DNM3: variants seen among roughly 807,000 people sequenced by gnomAD.
DNM3 encodes dynamin-3.
In DNM3, 47 loss-of-function variants were observed where a neutral mutation model predicts 101.6. The observed-to-expected ratio is 0.46, with a 90% CI of 0.37 to 0.59. The LOEUF (loss-of-function observed/expected upper bound fraction) is 0.59. DNM3 is among the 20% of genes least tolerant of loss of function. The pLI, the probability that DNM3 is intolerant of heterozygous loss-of-function variation, is 0.00. For synonymous variants in DNM3, 385 were observed against 387.9 expected, an observed-to-expected ratio of 0.99 and a Z score of 0.09; for missense variants, 849 against 1,085.7, an observed-to-expected ratio of 0.78 and a Z score of 3.06.
chr1:172,331,233 A>G (rs2066169404), intron 17 of DNM3, among the ~76,000 whole-genome samples: 1 of 152,170 alleles, frequency 6.6e-6, no homozygotes, highest in Non-Finnish European at 1.5e-5. Context: ...TGTGTAATAT[A>G]CAAATAATGT....
At chr1:172,075,159 A>ATT (rs397953576) in intron 11 of DNM3, among the ~76,000 whole-genome samples, 1,487 of 147,194 alleles carry the variant, frequency 0.01, 22 homozygotes, top group African/African-American at 0.035. Context: ...CCACTTTTTG[A>ATT]TTTTTTTTTT....
chr1:172,264,221 GAGA>G (rs1277304209), intron 15 of DNM3, among the ~76,000 whole-genome samples: 1 of 152,208 alleles, frequency 6.6e-6, no homozygotes, highest in Non-Finnish European at 1.5e-5. Flanking sequence ...CTCTTCTGAT[GAGA>G]AGAAGCTAAT....
At chr1:172,270,858 A>C (rs1055479251) in intron 15 of DNM3, among the ~76,000 whole-genome samples, 4 of 152,316 alleles carry the variant, frequency 2.6e-5, no homozygotes, top group Admixed American at 6.5e-5. Flanking sequence ...ACAGTTTCAA[A>C]AAATGCAGTT....
At chr1:172,279,947 T>C (rs969497809) in intron 15 of DNM3, among the ~76,000 whole-genome samples, 3 of 152,108 alleles carry the variant, frequency 2.0e-5, no homozygotes, top group African/African-American at 7.2e-5. Context: ...TCCGTGTATT[T>C]TTCCATCAAG....
intron 10 of DNM3, among the ~76,000 whole-genome samples, chr1:172,057,108 A>C (rs576449688): frequency 3.3e-5 from 5 of 152,290 alleles, no homozygotes; most frequent in Admixed American, 3.3e-4. Context: ...TGGAAGATGA[A>C]GTGAATGAAA....
intron 14 of DNM3, chr1:172,131,832 G>A (rs1376481861): frequency 2.6e-6 from 1 of 383,478 alleles, no homozygotes; most frequent in African/African-American, 2.1e-5. Flanking sequence ...GTAAAAGCAT[G>A]AATTATGGTA....
rs765689989 is a variant in DNM3 at position 172,081,879 on chromosome 1, T to C, written c.1470T>C (p.His490=). The C allele has an allele frequency of 3.7e-6, 6 of 1,613,214 alleles. No individual in the cohort carries two copies. Among genetic ancestry groups the C allele is most frequent in the African/African-American group, 1.3e-5 (1 of 74,950 alleles). Residue 490 remains histidine, a synonymous_variant, in exon 12 of 21, where the codon CAT becomes CAC. Transcript: ENST00000627582. ...DIQVSYINTN[H]EDFIGFANAQ... The stretch of plus-strand genomic sequence containing the variant: ...AAGTCTCTTACATCAACACCAACCA[T>C]GAAGACTTCATTGGCTTCGCAAAGT...
At chr1:172,038,295 T>G in intron 6 of DNM3, 24 bp from the exon 7 acceptor site, 1 of 1,612,750 alleles carries the variant, frequency 6.2e-7, no homozygotes. Context: ...CTTCAATCTG[T>G]GTGTATCATT....
At chr1:172,016,640 C>G (rs1318628490) in intron 4 of DNM3, among the ~76,000 whole-genome samples, 1 of 152,164 alleles carries the variant, frequency 6.6e-6, no homozygotes, top group Non-Finnish European at 1.5e-5. Context: ...TCCTCTGATT[C>G]TAACTTCTGG....
chr1:172,360,492 C>CTTTTTTCTCCAGG (rs11268548), intron 17 of DNM3, among the ~76,000 whole-genome samples: 1 of 151,900 alleles, frequency 6.6e-6, no homozygotes, highest in Admixed American at 6.6e-5. Flanking sequence ...AATTTGTTTA[C>CTTTTTTCTCCAGG]TTTTACTTCC....
chr1:172,195,679 A>G (rs2059921407), intron 14 of DNM3, among the ~76,000 whole-genome samples: 1 of 151,878 alleles, frequency 6.6e-6, no homozygotes, highest in East Asian at 1.9e-4. Context: ...ATATGATAGT[A>G]TGTTGTTTTA....
At chr1:171,916,184 C>T (rs545481939) in intron 1 of DNM3, among the ~76,000 whole-genome samples, 1 of 152,270 alleles carries the variant, frequency 6.6e-6, no homozygotes, top group African/African-American at 2.4e-5. Flanking sequence ...AGTTAGACTC[C>T]CTAGATTTGA....
chr1:172,081,176 A>C (rs1478483114), intron 11 of DNM3, among the ~76,000 whole-genome samples: 1 of 152,326 alleles, frequency 6.6e-6, no homozygotes, highest in African/African-American at 2.4e-5. Flanking sequence ...GACTCACTGC[A>C]GCTTTGAACT....
At chr1:171,994,599 A>G (rs1288218814) in intron 4 of DNM3, among the ~76,000 whole-genome samples, 1 of 152,146 alleles carries the variant, frequency 6.6e-6, no homozygotes, top group Non-Finnish European at 1.5e-5. Flanking sequence ...AACCCCAAAC[A>G]TGCATGTGGC....
intron 14 of DNM3, among the ~76,000 whole-genome samples, chr1:172,149,052 A>T (rs188826195): frequency 2.0e-5 from 3 of 152,212 alleles, no homozygotes; most frequent in Admixed American, 6.5e-5. Flanking sequence ...GCTATAAATC[A>T]TAAACTTAAT....
At position 172,407,814 on chromosome 1, in the gene DNM3, C is replaced by A; in HGVS notation, c.2565C>A (p.Arg855=). The A allele has an allele frequency of 1.2e-6, 2 of 1,613,308 alleles. No individual in the cohort carries two copies. Among genetic ancestry groups the A allele is most frequent in the Non-Finnish European group, 1.7e-6 (2 of 1,179,374 alleles). Residue 855 remains arginine, a synonymous_variant, in exon 21 of 21, where the codon CGC becomes CGA. Coordinates refer to ENST00000627582, the MANE Select transcript of DNM3 (RefSeq NM_015569.5). The part of the protein sequence containing the change: ...PPSPTRPTII[R]PLESSLLD Reference sequence around the variant, plus strand: ...CACCAACTCGTCCCACTATAATCCGCCCACTAGAATCCTCCCTGTTAGACT... The same window carrying A: ...CACCAACTCGTCCCACTATAATCCGACCACTAGAATCCTCCCTGTTAGACT...
chr1:172,270,230 T>C (rs929731185), intron 15 of DNM3, among the ~76,000 whole-genome samples: 1 of 145,384 alleles, frequency 6.9e-6, no homozygotes, highest in East Asian at 2.0e-4. Context: ...ACTAAAGTAA[T>C]AACACCTTGC....
intron 10 of DNM3, among the ~76,000 whole-genome samples, chr1:172,061,562 A>G (rs1222272925): frequency 1.3e-5 from 2 of 151,840 alleles, no homozygotes; most frequent in African/African-American, 4.8e-5. Context: ...CATGGATGAA[A>G]TTGGAAATCA....
intron 15 of DNM3, among the ~76,000 whole-genome samples, chr1:172,268,854 A>T (rs2062973157): frequency 6.6e-6 from 1 of 152,202 alleles, no homozygotes. Flanking sequence ...TTGAGGGAGA[A>T]AAATAGCAAG....
Sources: allele counts gnomAD v4.1 joint callset (sites outside exome capture counted in the v4.1 genomes callset), GRCh38; gene constraint gnomAD v4.1.1; transcripts MANE v1.5; gene names NCBI Gene and HGNC (gene_info 2026-07-23, HGNC 2026-07-21).